ANO4: variants seen among roughly 807,000 people sequenced by gnomAD.
ANO4 encodes the protein anoctamin 4, also known as anoctamin-4.
In ANO4, 69 loss-of-function variants were observed where a neutral mutation model predicts 141.9. The observed-to-expected ratio is 0.49, with a 90% CI of 0.40 to 0.59. The LOEUF is 0.59. Among genes scored for constraint, ANO4 ranks in the 20% least tolerant of loss-of-function variants. ANO4 has a pLI of 0.00. For missense variants in ANO4, 894 were observed against 1,162.2 expected (o/e 0.77, Z 3.36); for synonymous variants, 350 against 394.3 (o/e 0.89, Z 1.33).
intron 3 of ANO4, among the ~76,000 whole-genome samples, chr12:100,924,954 T>C (rs2041801749): frequency 6.6e-6 from 1 of 152,114 alleles, no homozygotes; most frequent in Non-Finnish European, 1.5e-5. Flanking sequence ...GATCTTTCTA[T>C]GAACAGGTAG....
At chr12:100,918,828 A>G (rs1296436454) in intron 2 of ANO4, among the ~76,000 whole-genome samples, 3 of 152,192 alleles carry the variant, frequency 2.0e-5, no homozygotes, top group African/African-American at 7.2e-5. Context: ...GTTAACTTTA[A>G]GATAGCCTCA....
At chr12:100,920,997 G>C (rs567006477) in intron 2 of ANO4, among the ~76,000 whole-genome samples, 1 of 152,026 alleles carries the variant, frequency 6.6e-6, no homozygotes, top group Non-Finnish European at 1.5e-5. Flanking sequence ...ATTTAGAGAG[G>C]TTCAGCATTA....
intron 14 of ANO4, among the ~76,000 whole-genome samples, chr12:101,063,745 C>CTTTTTTTTTTTTTTTTTTT: frequency 2.8e-4 from 7 of 24,772 alleles, no homozygotes; most frequent in African/African-American, 8.9e-4. Flanking sequence ...TCCAGGTTAT[C>CTTTTTTTTTTTTTTTTTTT]TTTTTTTTTT....
chr12:100,999,918 G>A (rs927345916), intron 8 of ANO4, among the ~76,000 whole-genome samples: 1 of 151,624 alleles, frequency 6.6e-6, no homozygotes, highest in East Asian at 1.9e-4. Context: ...GCATGGTGGT[G>A]CAAGACTGTA....
chr12:100,771,824 T>C (rs1565866525), intron 3 of ANO4, among the ~76,000 whole-genome samples: 1 of 152,232 alleles, frequency 6.6e-6, no homozygotes, highest in East Asian at 1.9e-4. Context: ...TACGTGAGTG[T>C]GGTCAGGCAG....
intron 1 of ANO4, among the ~76,000 whole-genome samples, chr12:100,812,055 C>T (rs574432475): frequency 1.6e-4 from 25 of 151,534 alleles, no homozygotes; most frequent in Non-Finnish European, 2.7e-4. Context: ...CACACACACG[C>T]GTAATTCCTC....
intron 14 of ANO4, among the ~76,000 whole-genome samples, chr12:101,057,122 A>G (rs996987319): frequency 6.6e-6 from 1 of 150,626 alleles, no homozygotes; most frequent in Non-Finnish European, 1.5e-5. Context: ...TTCTCTTCCT[A>G]TGTTAGTTTG....
chr12:100,788,662 G>A (rs1020159514), intron 3 of ANO4, among the ~76,000 whole-genome samples: 1 of 152,110 alleles, frequency 6.6e-6, no homozygotes. Flanking sequence ...ATAAACATTG[G>A]TCACGCTGTA....
chr12:101,002,765 G>C (rs565525692), intron 8 of ANO4, among the ~76,000 whole-genome samples: 47 of 152,146 alleles, frequency 3.1e-4, no homozygotes, highest in Non-Finnish European at 6.0e-4. Context: ...ACAGTTACTT[G>C]TTTTCATGAC....
chr12:101,084,642 G>A (rs1404764343), intron 16 of ANO4, among the ~76,000 whole-genome samples: 2 of 152,154 alleles, frequency 1.3e-5, no homozygotes, highest in Non-Finnish European at 2.9e-5. Flanking sequence ...GAAGGGCTGG[G>A]CAGCTTACCC....
intron 14 of ANO4, among the ~76,000 whole-genome samples, chr12:101,071,425 G>A (rs552848719): frequency 2.0e-5 from 3 of 151,578 alleles, no homozygotes; most frequent in Admixed American, 2.0e-4. Context: ...CATAAGCCAG[G>A]CACAGAAAGA....
At chr12:100,955,990 A>T (rs911656490) in intron 5 of ANO4, among the ~76,000 whole-genome samples, 1 of 152,220 alleles carries the variant, frequency 6.6e-6, no homozygotes, top group Non-Finnish European at 1.5e-5. Flanking sequence ...TCATCATGTC[A>T]TCTTGACTTT....
chr12:101,014,996 A>ATTTTTTTTT (rs10685175), intron 8 of ANO4, among the ~76,000 whole-genome samples: 32,626 of 142,548 alleles, frequency 0.23, 4,400 homozygotes, highest in Non-Finnish European at 0.3. Context: ...CACCCAGCTA[A>ATTTTTTTTT]TTTTTTTTTT....
intron 3 of ANO4, among the ~76,000 whole-genome samples, chr12:100,926,602 T>TTGTGTGTGTG (rs3059281): frequency 0.015 from 2,211 of 147,490 alleles, 51 homozygotes; most frequent in African/African-American, 0.052. Flanking sequence ...AAGGGTGTGT[T>TTGTGTGTGTG]TGTGTGTGTG....
At chr12:100,958,118 T>G (rs1241967139) in intron 5 of ANO4, among the ~76,000 whole-genome samples, 4 of 152,236 alleles carry the variant, frequency 2.6e-5, no homozygotes, top group Non-Finnish European at 5.9e-5. Context: ...TTTATTCCTT[T>G]GACTTATTTG....
intron 1 of ANO4, among the ~76,000 whole-genome samples, chr12:100,796,556 A>G: frequency 6.6e-6 from 1 of 152,182 alleles, no homozygotes; most frequent in Non-Finnish European, 1.5e-5. Flanking sequence ...CGTTTAAATA[A>G]AAAACAAGAA....
At chr12:100,986,932 T>C (rs953919688) in intron 7 of ANO4, among the ~76,000 whole-genome samples, 1 of 152,126 alleles carries the variant, frequency 6.6e-6, no homozygotes, top group Non-Finnish European at 1.5e-5. Flanking sequence ...GACACATGTG[T>C]GTCACGATGC....
chr12:100,915,999 G>A (rs1043793257), intron 2 of ANO4, among the ~76,000 whole-genome samples: 3 of 152,116 alleles, frequency 2.0e-5, no homozygotes, highest in African/African-American at 7.2e-5. Flanking sequence ...AAATTACTAA[G>A]AATAGTGATT....
chr12:100,755,383 C>T (rs1016568505), intron 3 of ANO4, among the ~76,000 whole-genome samples: 4 of 152,142 alleles, frequency 2.6e-5, no homozygotes, highest in Non-Finnish European at 5.9e-5. Context: ...TCCCATAGCA[C>T]CTTATTCAGA....
Sources: gnomAD v4.1 joint callset for allele counts (sites outside exome capture counted in the v4.1 genomes callset) on GRCh38, gnomAD v4.1.1 for gene constraint, MANE v1.5 for transcripts, NCBI Gene and HGNC (gene_info 2026-07-23, HGNC 2026-07-21) for gene names.